Variants in PLEKHG7 observed in about 807,000 individuals in gnomAD.
PLEKHG7 encodes the protein pleckstrin homology domain-containing family G member 7.
Under a neutral mutation model 85.2 loss-of-function variants are expected in PLEKHG7, and 77 were observed. The observed-to-expected ratio is 0.90, with a 90% confidence interval of 0.75 to 1.09. PLEKHG7 has a LOEUF of 1.09. Among genes scored for constraint, PLEKHG7 ranks in the 50% least tolerant of loss-of-function variants. The pLI is 0.00. For missense variants in PLEKHG7, 777 were observed against 804.3 expected (o/e 0.97, Z 0.41); for synonymous variants, 301 against 302.4 (o/e 1.00, Z 0.05).
Position 92,770,073 on chromosome 12 carries a change from T to C in PLEKHG7, c.1969-15T>C. On this transcript the variant is annotated splice_polypyrimidine_tract_variant and intron_variant, in intron 16 of 16. Coordinates refer to ENST00000344636, the MANE Select transcript of PLEKHG7 (RefSeq NM_001377329.1). ...TCTAATCTCTATTTATGTATTTTTT[T>C]CTTTTTTTCAACAGAAAACATGGAT... 3 of 1,512,422 alleles carry C rather than the reference T, an allele frequency of 2.0e-6. No homozygotes were observed. Among genetic ancestry groups the C allele is most frequent in the Non-Finnish European group, 2.7e-6 (3 of 1,108,442 alleles). The allele number at this position is 1,512,422 out of a possible 1,614,324, so 93.7% of individuals were successfully genotyped here.
intron 13 of PLEKHG7, among the ~76,000 whole-genome samples, chr12:92,760,104 G>C (rs925550646): frequency 2.0e-5 from 3 of 152,042 alleles, no homozygotes; most frequent in East Asian, 3.9e-4. Flanking sequence ...TGCCCTTCAC[G>C]AATATGACTC....
intron 3 of PLEKHG7, among the ~76,000 whole-genome samples, chr12:92,718,661 C>T (rs2136579260): frequency 6.6e-6 from 1 of 152,286 alleles, no homozygotes; most frequent in South Asian, 2.1e-4. Flanking sequence ...TCCTCTTGAC[C>T]TCCTCGATCT....
chr12:92,717,958 C>A (rs1410626930), intron 3 of PLEKHG7, among the ~76,000 whole-genome samples: 5 of 152,188 alleles, frequency 3.3e-5, no homozygotes, highest in African/African-American at 1.2e-4. Context: ...TCATTCAGCA[C>A]CTCCCACATG....
chr12:92,766,745 A>G (rs1233244542), intron 15 of PLEKHG7, among the ~76,000 whole-genome samples: 5 of 152,096 alleles, frequency 3.3e-5, no homozygotes, highest in African/African-American at 1.2e-4. Context: ...CACGAGAATC[A>G]CTTAAACCCA....
At chr12:92,717,828 C>T (rs571193055) in intron 3 of PLEKHG7, among the ~76,000 whole-genome samples, 1 of 152,302 alleles carries the variant, frequency 6.6e-6, no homozygotes, top group East Asian at 1.9e-4. Context: ...ATGCATTTCT[C>T]AGAACGTATC....
chr12:92,759,438 GTTGCTGTGGACTGAATTGTGTTCTTCCA>G (rs372281691), intron 13 of PLEKHG7, among the ~76,000 whole-genome samples: 3,213 of 152,304 alleles, frequency 0.021, 60 homozygotes, highest in Non-Finnish European at 0.033. Context: ...AGGTTTGAAG[GTTGCTGTGGACTGAATTGTGTTCTTCCA>G]TTGCTGTGGA....
At chr12:92,754,025 C>G in intron 10 of PLEKHG7, 65 bp from the exon 11 acceptor site, 1 of 1,524,042 alleles carries the variant, frequency 6.6e-7, no homozygotes, top group Non-Finnish European at 9.0e-7. Flanking sequence ...CTCTCATATC[C>G]AGGCTTCTTA....
In PLEKHG7 at chr12:92,739,112, C is replaced by T. The variant is rs571577955; in HGVS notation, c.939+1591C>T. 2.6e-5 allele frequency among the ~76,000 whole-genome samples: 4 copies of T among 152,360 alleles called. No homozygotes were observed. In the South Asian group the frequency reaches 6.2e-4, roughly 24 times the overall value. On this transcript the variant is annotated intron_variant, in intron 7 of 16. Transcript: ENST00000344636. ...ACCCTGCCTTCCATGGCATTAGCCA[C>T]ATCCTATGGCTGGCTTCTCTTGTAG...
intron 13 of PLEKHG7, among the ~76,000 whole-genome samples, chr12:92,759,237 C>A (rs1872919122): frequency 6.6e-6 from 1 of 152,160 alleles, no homozygotes; most frequent in Non-Finnish European, 1.5e-5. Context: ...AAAATAATTA[C>A]CACTTTCTAG....
chr12:92,750,646 C>T, intron 10 of PLEKHG7, among the ~76,000 whole-genome samples: 1 of 152,188 alleles, frequency 6.6e-6, no homozygotes, highest in Admixed American at 6.5e-5. Context: ...CTCCCAGCCA[C>T]CCAAGAGGTC....
chr12:92,722,347 T>C (rs141818082), intron 3 of PLEKHG7, among the ~76,000 whole-genome samples: 1 of 152,332 alleles, frequency 6.6e-6, no homozygotes, highest in African/African-American at 2.4e-5. Context: ...GATGTTCTGA[T>C]TGCTTTCCTA....
intron 15 of PLEKHG7, among the ~76,000 whole-genome samples, chr12:92,768,181 C>T (rs539167953): frequency 1.6e-4 from 24 of 151,016 alleles, no homozygotes; most frequent in Admixed American, 5.9e-4. Flanking sequence ...CACTCCAGCC[C>T]GGGCGACAGT....
At chr12:92,717,166 T>C (rs930980715) in intron 3 of PLEKHG7, among the ~76,000 whole-genome samples, 1 of 152,216 alleles carries the variant, frequency 6.6e-6, no homozygotes, top group Non-Finnish European at 1.5e-5. Flanking sequence ...TACATTTCTA[T>C]AAGACTATAG....
intron 3 of PLEKHG7, among the ~76,000 whole-genome samples, chr12:92,709,434 G>A (rs1363921254): frequency 6.6e-6 from 1 of 152,126 alleles, no homozygotes; most frequent in East Asian, 1.9e-4. Flanking sequence ...TGTAGGTCTT[G>A]TGTTCAGGTT....
intron 3 of PLEKHG7, among the ~76,000 whole-genome samples, chr12:92,726,082 C>G (rs928127900): frequency 6.6e-6 from 1 of 152,156 alleles, no homozygotes; most frequent in Non-Finnish European, 1.5e-5. Flanking sequence ...CACATATTGA[C>G]AAGAAAGAGG....
chr12:92,761,160 A>C (rs2136628931), intron 13 of PLEKHG7, among the ~76,000 whole-genome samples: 1 of 152,360 alleles, frequency 6.6e-6, no homozygotes, highest in Middle Eastern at 3.4e-3. Context: ...TTAGGGCTTC[A>C]ACATATGAAA....
intron 10 of PLEKHG7, among the ~76,000 whole-genome samples, 186 bp downstream of exon 10, chr12:92,745,777 G>A (rs1872519329): frequency 1.3e-5 from 2 of 152,122 alleles, no homozygotes; most frequent in Admixed American, 1.3e-4. Context: ...ATATTAAATG[G>A]TGCACATCTG....
intron 1 of PLEKHG7, among the ~76,000 whole-genome samples, chr12:92,703,710 G>A (rs1450468992): frequency 6.6e-6 from 1 of 152,220 alleles, no homozygotes; most frequent in Non-Finnish European, 1.5e-5. Flanking sequence ...AAGCCCTGCT[G>A]TTTTTAAAGT....
Position 92,772,368 on chromosome 12 carries a change from T to C in PLEKHG7, c.*2173T>C, listed in dbSNP as rs1270181262. The C allele has an allele frequency of 6.6e-6, 1 of 151,880 alleles. No homozygotes were observed. Among genetic ancestry groups the C allele is most frequent in the Non-Finnish European group, 1.5e-5 (1 of 67,822 alleles). The allele number at this position is 151,880 out of a possible 1,614,324, so 9.4% of individuals were successfully genotyped here. A position where few individuals can be genotyped will look rare whatever the true frequency, so the allele number is the denominator to read the frequency against. The stretch of plus-strand genomic sequence containing the variant: ...TTGAGATCAGGAATTTAATTACTAT[T>C]CGAAATTGAACAACATTAAAACACC... On this transcript the variant is annotated 3_prime_UTR_variant, in exon 17 of 17. Transcript: ENST00000344636.
Sources: gnomAD v4.1 joint callset for allele counts (sites outside exome capture counted in the v4.1 genomes callset) on GRCh38, gnomAD v4.1.1 for gene constraint, MANE v1.5 for transcripts, NCBI Gene and HGNC (gene_info 2026-07-23, HGNC 2026-07-21) for gene names.